PAK3: variants seen among roughly 807,000 people sequenced by gnomAD.
PAK3 encodes p21 (RAC1) activated kinase 3.
Under a neutral mutation model 41.0 loss-of-function variants are expected in PAK3, and 4 were observed. The ratio of observed to expected loss-of-function variants is 0.10; its 90% CI spans 0.05 to 0.22. PAK3 has a LOEUF of 0.22. PAK3 is among the 10% of genes least tolerant of loss of function. PAK3 has a pLI of 1.00. For missense variants in PAK3, 205 were observed against 409.9 expected (o/e 0.50, Z 4.32); for synonymous variants, 146 against 139.6 (o/e 1.05, Z -0.32).
At chrX:111,081,420 G>A (rs974625702) in intron 1 of PAK3, among the ~76,000 whole-genome samples, 19 of 110,837 alleles carry the variant, frequency 1.7e-4, no homozygotes, top group African/African-American at 5.9e-4. Flanking sequence ...TGGGAGGATC[G>A]CTTGAACACA....
chrX:111,187,303 G>A (rs760579796), intron 11 of PAK3, among the ~76,000 whole-genome samples: 3 of 111,656 alleles, frequency 2.7e-5, no homozygotes, highest in South Asian at 7.5e-4. Context: ...TACTTACAGA[G>A]CTTCCTTATG....
chrX:111,045,102 T>C (rs1259228455), intron 1 of PAK3, among the ~76,000 whole-genome samples: 1 of 112,244 alleles, frequency 8.9e-6, no homozygotes, highest in Non-Finnish European at 1.9e-5. Flanking sequence ...AGAGCTTAGG[T>C]ACTGTTAGCT....
At chrX:111,177,966 C>T (rs1485136678) in intron 11 of PAK3, among the ~76,000 whole-genome samples, 2 of 111,022 alleles carry the variant, frequency 1.8e-5, no homozygotes, top group African/African-American at 3.3e-5. Flanking sequence ...GGAAGCAGCT[C>T]AGAGGATCCA....
intron 1 of PAK3, among the ~76,000 whole-genome samples, chrX:111,054,283 C>G (rs1460165244): frequency 8.9e-6 from 1 of 112,643 alleles, no homozygotes; most frequent in African/African-American, 3.2e-5. Flanking sequence ...GGATCCACAT[C>G]TCACCATATG....
intron 9 of PAK3, 32 bp downstream of exon 9, chrX:111,163,078 C>G: frequency 1.7e-6 from 2 of 1,169,470 alleles, no homozygotes; most frequent in Non-Finnish European, 2.3e-6. Context: ...CCAAATGATT[C>G]AAAAGATGCC....
At chrX:110,945,407 C>T (rs1036120406) in intron 1 of PAK3, among the ~76,000 whole-genome samples, 7 of 111,814 alleles carry the variant, frequency 6.3e-5, no homozygotes, top group African/African-American at 2.3e-4. Flanking sequence ...ATGGAAATCC[C>T]CCCAGCTGGG....
In PAK3 at chrX:111,116,342, T is replaced by G. The variant is rs764959751; in HGVS notation, c.-27-6735T>G. ...TCTTTATGGATCTTATTTTCTCTTT[T>G]TAGAAGCATCAATATTGGAAACAAA... On this transcript the variant is annotated intron_variant, in intron 4 of 17. Coordinates refer to ENST00000372007, the MANE Select transcript of PAK3 (RefSeq NM_002578.5). 1.3e-3 allele frequency among the ~76,000 whole-genome samples: 142 copies of G among 111,778 alleles called. 1 individual carries two copies. Among genetic ancestry groups the G allele is most frequent in the African/African-American group, 4.5e-3 (139 of 30,804 alleles).
At position 111,216,334 on chromosome X, in the gene PAK3, C is replaced by A. The variant is rs915778934; in HGVS notation, c.1408-87C>A. 14 of 635,895 alleles carry A rather than the reference C, an allele frequency of 2.2e-5. No homozygotes were observed. In the South Asian group the frequency reaches 3.2e-4, roughly 14 times the overall value. 52.4% of individuals were successfully genotyped at this position (635,895 alleles called of 1,213,427 possible). A position where few individuals can be genotyped will look rare whatever the true frequency, so the allele number is the denominator to read the frequency against. On this transcript the variant is annotated intron_variant, in intron 16 of 17. Transcript: ENST00000372007. ...GAATTATTAAGACCCAGAATGTAAACCAGAAGAAACTGGATTTTTGCCGTC... is the reference window on the plus strand; with the variant it reads ...GAATTATTAAGACCCAGAATGTAAAACAGAAGAAACTGGATTTTTGCCGTC...
intron 1 of PAK3, among the ~76,000 whole-genome samples, chrX:111,058,622 G>A (rs1174716165): frequency 9.0e-6 from 1 of 111,186 alleles, no homozygotes; most frequent in Non-Finnish European, 1.9e-5. Context: ...CATTCTGTGG[G>A]TTGTCTTTTC....
intron 1 of PAK3, among the ~76,000 whole-genome samples, chrX:111,007,237 C>T (rs1026997097): frequency 2.7e-5 from 3 of 111,134 alleles, no homozygotes; most frequent in Non-Finnish European, 3.8e-5. Flanking sequence ...GGCAACTCCC[C>T]GTGAGGGATT....
rs2094929296 is a variant in PAK3 at position 111,221,778 on chromosome X, A to T, written c.*1331A>T. 9.0e-6 allele frequency: 1 copy of T among 111,436 alleles called. No individual in the cohort carries two copies. The highest frequency in any genetic ancestry group is 3.8e-4 in the South Asian group (1 of 2,659). 9.2% of individuals were successfully genotyped at this position (111,436 alleles called of 1,213,427 possible). A position where few individuals can be genotyped will look rare whatever the true frequency, so the allele number is the denominator to read the frequency against. On this transcript the variant is annotated 3_prime_UTR_variant, in exon 18 of 18. Coordinates refer to ENST00000372007, the MANE Select transcript of PAK3 (RefSeq NM_002578.5). Reference sequence around the variant, plus strand: ...TTCTGTTTCGGAATATGGTGTGTTCATGCTTAGTTCTTTGGGCTTTTGAAT... The same window carrying T: ...TTCTGTTTCGGAATATGGTGTGTTCTTGCTTAGTTCTTTGGGCTTTTGAAT...
At chrX:111,036,540 C>T (rs2092400747) in intron 1 of PAK3, among the ~76,000 whole-genome samples, 2 of 111,972 alleles carry the variant, frequency 1.8e-5, no homozygotes, top group African/African-American at 6.5e-5. Flanking sequence ...TGAGAACTCA[C>T]TCTCACGAGA....
intron 1 of PAK3, among the ~76,000 whole-genome samples, chrX:110,951,181 CT>C (rs1160349567): frequency 4.5e-5 from 5 of 111,584 alleles, no homozygotes; most frequent in Admixed American, 2.9e-4. Flanking sequence ...TTGAGTTGTT[CT>C]TTCTGCTTCT....
chrX:111,025,977 T>G (rs1207301949), intron 1 of PAK3, among the ~76,000 whole-genome samples: 1 of 111,761 alleles, frequency 8.9e-6, no homozygotes, highest in African/African-American at 3.2e-5. Context: ...GAGTTTCATA[T>G]GAGGGATGCA....
At chrX:111,142,978 A>G (rs555403277) in intron 6 of PAK3, among the ~76,000 whole-genome samples, 1 of 111,121 alleles carries the variant, frequency 9.0e-6, no homozygotes, top group East Asian at 2.8e-4. Context: ...AAGAACTGGT[A>G]TCTTTTTTAT....
At chrX:111,077,864 G>A (rs1030900136) in intron 1 of PAK3, among the ~76,000 whole-genome samples, 13 of 111,719 alleles carry the variant, frequency 1.2e-4, no homozygotes, top group African/African-American at 3.6e-4. Context: ...ACAGTGACGA[G>A]ACACCCTATG....
rs3835301 is a variant in PAK3, at chrX:111,098,331, CAAAA to C, written c.-176+661_-176+664del. On this transcript the variant is annotated intron_variant, in intron 3 of 17. Coordinates refer to ENST00000372007, the MANE Select transcript of PAK3 (RefSeq NM_002578.5). ...TTAAGGTTAAAGAAGGTGGCCAAGG[CAAAA>C]AAAAAAAAAAAAATCAGGTGTACAG... 9.6e-3 allele frequency among the ~76,000 whole-genome samples: 858 copies of C among 89,699 alleles called. 7 individuals are homozygous for C. Among genetic ancestry groups the C allele is most frequent in the African/African-American group, 0.025 (585 of 23,687 alleles). 77.9% of individuals were successfully genotyped at this position (89,699 alleles called of 115,157 possible). A position where few individuals can be genotyped will look rare whatever the true frequency, so the allele number is the denominator to read the frequency against.
At chrX:111,182,642 C>T (rs1247441848) in intron 11 of PAK3, among the ~76,000 whole-genome samples, 2 of 110,802 alleles carry the variant, frequency 1.8e-5, no homozygotes, top group East Asian at 2.8e-4. Flanking sequence ...AAGAACACAT[C>T]TCTCAACAAA....
chrX:111,091,330 C>G (rs1252456018), upstream of PAK3, among the ~76,000 whole-genome samples: 1 of 111,408 alleles, frequency 9.0e-6, no homozygotes, highest in Non-Finnish European at 1.9e-5. Context: ...TGCGACTCAT[C>G]AAGTCTATTA....
Sources: gnomAD v4.1 joint callset for allele counts (sites outside exome capture counted in the v4.1 genomes callset) on GRCh38, gnomAD v4.1.1 for gene constraint, MANE v1.5 for transcripts, NCBI Gene and HGNC (gene_info 2026-07-23, HGNC 2026-07-21) for gene names.